The following PIP4K2A variants were observed in gnomAD, a reference collection of about 807,000 sequenced individuals.
PIP4K2A encodes phosphatidylinositol 5-phosphate 4-kinase type-2 alpha.
In PIP4K2A, 14 loss-of-function variants were observed where a neutral mutation model predicts 42.9. The observed-to-expected ratio is 0.33, with a 90% CI of 0.22 to 0.51. The LOEUF (loss-of-function observed/expected upper bound fraction) is 0.51, where lower values mean the gene tolerates loss of function less well. PIP4K2A is among the 20% of genes least tolerant of loss of function. The pLI is 0.97. For missense variants in PIP4K2A, 434 were observed against 519.8 expected, an observed-to-expected ratio of 0.83 and a Z score of 1.61; for synonymous variants, 192 against 192.2, an observed-to-expected ratio of 1.00 and a Z score of 0.01.
chr10:22,707,779 C>T (rs1318237537), intron 1 of PIP4K2A, among the ~76,000 whole-genome samples: 1 of 152,176 alleles, frequency 6.6e-6, no homozygotes, highest in African/African-American at 2.4e-5. Context: ...TCTCACCCCA[C>T]ACTATCCCCA....
intron 1 of PIP4K2A, among the ~76,000 whole-genome samples, chr10:22,698,124 C>T (rs1049397596): frequency 2.2e-4 from 34 of 152,140 alleles, no homozygotes; most frequent in African/African-American, 8.0e-4. Context: ...AGAGGGCAGA[C>T]TCGGGCCAGG....
At chr10:22,620,331 T>A (rs977126157) in intron 1 of PIP4K2A, among the ~76,000 whole-genome samples, 8 of 152,226 alleles carry the variant, frequency 5.3e-5, no homozygotes, top group East Asian at 3.8e-4. Context: ...CTGGCTTTTT[T>A]AAAAATTCAA....
chr10:22,540,232 C>T lies in PIP4K2A; in HGVS notation c.1037-158G>A, dbSNP rs542826992. On this transcript the variant is annotated intron_variant, in intron 8 of 9. Transcript: ENST00000376573. ...AGAGACAAACTCTACACCACCCCTG[C>T]GGATCCTGACTAAACACACAGCTTG... Among the ~76,000 whole-genome samples the T allele has an allele frequency of 1.9e-3, 290 of 152,192 alleles. 1 individual carries two copies. The highest frequency in any genetic ancestry group is 6.8e-3 in the Middle Eastern group (2 of 294).
chr10:22,610,437 A>C (rs977364163), intron 1 of PIP4K2A, among the ~76,000 whole-genome samples: 1 of 152,236 alleles, frequency 6.6e-6, no homozygotes, highest in Non-Finnish European at 1.5e-5. Context: ...CTATTTTTGC[A>C]TGTTGACTTT....
chr10:22,645,562 AAAAG>A lies in PIP4K2A; in HGVS notation c.145-35849_145-35846del, dbSNP rs1838862694. ...ATTCTATTTCTTTAAAAAAAAAAAA[AAAAG>A]AAAAGAAAAGAAAAGAAAGAAAAAG... On this transcript the variant is annotated intron_variant, in intron 1 of 9. Coordinates refer to ENST00000376573, the MANE Select transcript of PIP4K2A (RefSeq NM_005028.5). 1.0e-4 allele frequency among the ~76,000 whole-genome samples: 15 copies of A among 149,290 alleles called. No homozygotes were observed. In the South Asian group the frequency reaches 2.7e-3, roughly 27 times the overall value.
At chr10:22,619,439 CTTT>C (rs746519034) in intron 1 of PIP4K2A, among the ~76,000 whole-genome samples, 3 of 137,490 alleles carry the variant, frequency 2.2e-5, no homozygotes, top group Admixed American at 7.2e-5. Context: ...TTTCTTTTTT[CTTT>C]TTTTTTTTTT....
intron 3 of PIP4K2A, among the ~76,000 whole-genome samples, chr10:22,602,375 C>A (rs530664819): frequency 3.8e-4 from 49 of 130,616 alleles, no homozygotes; most frequent in African/African-American, 1.5e-3. Flanking sequence ...GCCTGGGCAA[C>A]AGAGTGAAAC....
At chr10:22,596,458 G>A (rs563385597) in intron 3 of PIP4K2A, among the ~76,000 whole-genome samples, 1 of 152,218 alleles carries the variant, frequency 6.6e-6, no homozygotes. Flanking sequence ...ACGTCAGCTA[G>A]AACGAGCACA....
At chr10:22,710,353 A>G (rs1254966537) in intron 1 of PIP4K2A, among the ~76,000 whole-genome samples, 9 of 152,232 alleles carry the variant, frequency 5.9e-5, no homozygotes, top group Admixed American at 5.9e-4. Context: ...TCTTTCCCCA[A>G]CGCCAACAGG....
intron 1 of PIP4K2A, among the ~76,000 whole-genome samples, chr10:22,657,957 G>C (rs890352638): frequency 3.9e-5 from 6 of 152,232 alleles, no homozygotes; most frequent in Middle Eastern, 3.4e-3. Flanking sequence ...TAGAAAGTGG[G>C]ACCTGTTTTT....
intron 1 of PIP4K2A, among the ~76,000 whole-genome samples, chr10:22,634,299 G>A (rs1050995466): frequency 1.3e-5 from 2 of 152,162 alleles, no homozygotes; most frequent in African/African-American, 4.8e-5. Context: ...TTTTGCTATA[G>A]GAAACTGTAA....
At position 22,586,443 on chromosome 10, in the gene PIP4K2A, CAT is replaced by C. The variant is rs1837396564; in HGVS notation, c.492+5184_492+5185del. Among the ~76,000 whole-genome samples, 3 of 152,212 alleles carry C rather than the reference CAT, an allele frequency of 2.0e-5. No individual in the cohort carries two copies. The East Asian group carries it at 5.8e-4, about 29-fold the overall frequency. ...TAAAAGAGTTAAGGACTGAATGCCA[CAT>C]GAGAATGATTTCAACACTGAGGTGT... On this transcript the variant is annotated intron_variant, in intron 4 of 9. Coordinates refer to ENST00000376573, the MANE Select transcript of PIP4K2A (RefSeq NM_005028.5).
intron 1 of PIP4K2A, among the ~76,000 whole-genome samples, chr10:22,702,482 C>A (rs1223031564): frequency 6.6e-6 from 1 of 152,158 alleles, no homozygotes; most frequent in African/African-American, 2.4e-5. Context: ...ACTTGGCGGC[C>A]CTTCAACATC....
intron 1 of PIP4K2A, among the ~76,000 whole-genome samples, chr10:22,687,283 A>G (rs180821650): frequency 1.3e-5 from 2 of 152,222 alleles, no homozygotes. Context: ...CAGAGAGAAA[A>G]ATGTTGCATG....
intron 1 of PIP4K2A, among the ~76,000 whole-genome samples, chr10:22,675,774 C>A (rs1472661010): frequency 6.6e-6 from 1 of 152,186 alleles, no homozygotes; most frequent in Non-Finnish European, 1.5e-5. Flanking sequence ...CTACATAATG[C>A]TCAGAGAAGA....
In PIP4K2A at chr10:22,566,016, C is replaced by A. The variant is rs572457897; in HGVS notation, c.678+1835G>T. On this transcript the variant is annotated intron_variant, in intron 6 of 9. Coordinates refer to ENST00000376573, the MANE Select transcript of PIP4K2A (RefSeq NM_005028.5). ...AAGATGTTATCAATGACAGTGGTGC[C>A]CGAAACTTCATTAGCAATTTTAATT... Among the ~76,000 whole-genome samples, 3 of 152,248 alleles carry A rather than the reference C, an allele frequency of 2.0e-5. No homozygotes were observed. The South Asian group carries it at 6.2e-4, about 32-fold the overall frequency.
intron 6 of PIP4K2A, among the ~76,000 whole-genome samples, 171 bp from the exon 7 acceptor site, chr10:22,550,943 C>T (rs543105128): frequency 9.8e-4 from 149 of 152,220 alleles, no homozygotes; most frequent in African/African-American, 3.5e-3. Context: ...TGAATACCAC[C>T]GGGGGGCGCC....
chr10:22,594,905 G>A (rs187760700), intron 3 of PIP4K2A, among the ~76,000 whole-genome samples: 44 of 152,268 alleles, frequency 2.9e-4, no homozygotes, highest in African/African-American at 1.1e-3. Context: ...TCTTGATTCT[G>A]TCTCAAATCA....
rs1188396077 is a variant in PIP4K2A at position 22,601,130 on chromosome 10, C to CAAAAAAAAAAAAA, written c.339+6784_339+6796dup. On this transcript the variant is annotated intron_variant, in intron 3 of 9. Transcript: ENST00000376573. ...CCTGGGCAACAGAGCGAGACTGTCT[C>CAAAAAAAAAAAAA]AAAAAAAAAAAAAAAAAAAAAAAAA... is the stretch of plus-strand genomic sequence containing the variant. Among the ~76,000 whole-genome samples the CAAAAAAAAAAAAA allele has an allele frequency of 6.9e-4, 22 of 31,920 alleles. 3 individuals carry two copies. The highest frequency in any genetic ancestry group is 1.1e-3 in the Non-Finnish European group (13 of 11,414). The allele number at this position is 31,920 out of a possible 152,430, so 20.9% of individuals were successfully genotyped here. A position where few individuals can be genotyped will look rare whatever the true frequency, so the allele number is the denominator to read the frequency against.
Sources: allele counts gnomAD v4.1 joint callset (sites outside exome capture counted in the v4.1 genomes callset), GRCh38; gene constraint gnomAD v4.1.1; transcripts MANE v1.5; gene names NCBI Gene and HGNC (gene_info 2026-07-23, HGNC 2026-07-21).